NCK2: variants seen among roughly 807,000 people sequenced by gnomAD.
NCK2 encodes the protein NCK adaptor protein 2, also known as cytoplasmic protein NCK2.
Under a neutral mutation model 33.9 loss-of-function variants are expected in NCK2, and 16 were observed. The ratio of observed to expected loss-of-function variants is 0.47; its 90% confidence interval spans 0.32 to 0.72. The LOEUF is 0.72. NCK2 is among the 30% of genes least tolerant of loss of function. The probability of loss-of-function intolerance (pLI) is 0.03; values close to 1 mark genes in which losing one functional copy is unlikely to be tolerated. For synonymous variants in NCK2, 273 were observed against 239.9 expected (o/e 1.14, Z -1.27); for missense variants, 418 against 537.3 (o/e 0.78, Z 2.19).
At chr2:105,826,370 AAG>A (rs1675943538) in intron 2 of NCK2, among the ~76,000 whole-genome samples, 1 of 152,106 alleles carries the variant, frequency 6.6e-6, no homozygotes, top group Non-Finnish European at 1.5e-5. Flanking sequence ...AATTCAAGAT[AAG>A]ATTTGGGTGG....
intron 2 of NCK2, among the ~76,000 whole-genome samples, chr2:105,835,424 T>TATATATATACG (rs1553458625): frequency 1.6e-5 from 2 of 122,518 alleles, no homozygotes; most frequent in African/African-American, 2.8e-5. Context: ...TATATATATA[T>TATATATATACG]TTTTTTTTTG....
intron 3 of NCK2, among the ~76,000 whole-genome samples, chr2:105,868,319 G>A (rs1040283768): frequency 5.3e-5 from 8 of 152,246 alleles, no homozygotes; most frequent in Middle Eastern, 3.4e-3. Context: ...TTTTGGGCAC[G>A]CACTCAGGTT....
At chr2:105,762,986 G>A (rs1689814812) in intron 1 of NCK2, among the ~76,000 whole-genome samples, 1 of 152,170 alleles carries the variant, frequency 6.6e-6, no homozygotes, top group Non-Finnish European at 1.5e-5. Context: ...CCTGAGCTCA[G>A]GAGTTCGAAA....
intron 1 of NCK2, among the ~76,000 whole-genome samples, chr2:105,797,527 T>C (rs950510305): frequency 6.6e-6 from 1 of 152,158 alleles, no homozygotes; most frequent in African/African-American, 2.4e-5. Context: ...TCTGCACCCA[T>C]GTGAGGGAGG....
chr2:105,852,877 A>G (rs3754807), intron 2 of NCK2, among the ~76,000 whole-genome samples: 1 of 152,212 alleles, frequency 6.6e-6, no homozygotes, highest in African/African-American at 2.4e-5. Context: ...TAGGAGCTTC[A>G]TGTAAACTTT....
chr2:105,778,401 C>T (rs1573581153), intron 1 of NCK2, among the ~76,000 whole-genome samples: 1 of 152,230 alleles, frequency 6.6e-6, no homozygotes, highest in Non-Finnish European at 1.5e-5. Context: ...ACTCTGACCA[C>T]ATCTGCTGAC....
intron 1 of NCK2, among the ~76,000 whole-genome samples, chr2:105,750,072 C>CACACACACAA (rs1689408554): frequency 1.5e-5 from 1 of 64,948 alleles, no homozygotes; most frequent in Non-Finnish European, 3.8e-5. Context: ...ACACACAAAA[C>CACACACACAA]AACAACAACA....
Position 105,882,147 on chromosome 2 carries a change from TAG to T in NCK2, c.948+100_948+101del, listed in dbSNP as rs569777133. On this transcript the variant is annotated intron_variant, in intron 4 of 4. Coordinates refer to ENST00000233154, the MANE Select transcript of NCK2 (RefSeq NM_003581.5). The stretch of plus-strand genomic sequence containing the variant: ...CCCTTTTCACATTGTGTGAGTACAC[TAG>T]AAAGAGCGGGAGACGCAGATGAATG... 101 of 1,285,984 alleles carry T rather than the reference TAG, an allele frequency of 7.9e-5. No homozygotes were observed. In the Middle Eastern group the frequency reaches 2.8e-3, roughly 35 times the overall value. 79.7% of individuals were successfully genotyped at this position (1,285,984 alleles called of 1,614,324 possible).
chr2:105,803,982 T>G (rs1674940060), intron 1 of NCK2, among the ~76,000 whole-genome samples: 1 of 152,212 alleles, frequency 6.6e-6, no homozygotes, highest in South Asian at 2.1e-4. Flanking sequence ...AGTCATGGAT[T>G]GCAAGACAGA....
intron 4 of NCK2, among the ~76,000 whole-genome samples, chr2:105,887,462 A>G (rs933107971): frequency 2.6e-5 from 4 of 152,206 alleles, no homozygotes; most frequent in Non-Finnish European, 5.9e-5. Flanking sequence ...GTGGCTGGAG[A>G]TCAGTCCAGG....
At chr2:105,817,708 G>A (rs991902975) in intron 2 of NCK2, among the ~76,000 whole-genome samples, 1 of 152,130 alleles carries the variant, frequency 6.6e-6, no homozygotes, top group Non-Finnish European at 1.5e-5. Flanking sequence ...TCAGAGAAAT[G>A]CAAATCAAAA....
chr2:105,761,730 AT>A (rs1689769266), intron 1 of NCK2, among the ~76,000 whole-genome samples: 1 of 152,128 alleles, frequency 6.6e-6, no homozygotes, highest in Admixed American at 6.5e-5. Context: ...ATACAAAAAA[AT>A]GAGCTGGGTA....
intron 1 of NCK2, among the ~76,000 whole-genome samples, chr2:105,789,313 G>C (rs1474499659): frequency 6.6e-6 from 1 of 151,978 alleles, no homozygotes; most frequent in East Asian, 1.9e-4. Flanking sequence ...TCAGCCTCCT[G>C]AGTAGCTGGG....
intron 1 of NCK2, among the ~76,000 whole-genome samples, chr2:105,782,738 G>A (rs1329724603): frequency 3.3e-5 from 5 of 152,314 alleles, no homozygotes; most frequent in African/African-American, 1.2e-4. Context: ...GCTGCCTGTA[G>A]AGGCGAAGTG....
chr2:105,768,309 GTC>G, intron 1 of NCK2, among the ~76,000 whole-genome samples: 1 of 152,318 alleles, frequency 6.6e-6, no homozygotes, highest in East Asian at 1.9e-4. Flanking sequence ...TATCAAACAG[GTC>G]TCTGATTCTC....
intron 2 of NCK2, among the ~76,000 whole-genome samples, chr2:105,832,858 T>A (rs1676249498): frequency 1.4e-5 from 2 of 148,114 alleles, no homozygotes; most frequent in African/African-American, 2.5e-5. Context: ...TTTTTTTTTT[T>A]ATTTTGTTTC....
At chr2:105,862,079 C>G (rs1353044112) in intron 3 of NCK2, among the ~76,000 whole-genome samples, 1 of 152,116 alleles carries the variant, frequency 6.6e-6, no homozygotes, top group Admixed American at 6.5e-5. Context: ...TTAGGGTTAG[C>G]CTGCATAAAT....
intron 1 of NCK2, among the ~76,000 whole-genome samples, chr2:105,787,510 C>T (rs1393959953): frequency 6.6e-6 from 1 of 152,158 alleles, no homozygotes; most frequent in Non-Finnish European, 1.5e-5. Flanking sequence ...CAGAAAGTGG[C>T]CCCCATCAGA....
intron 3 of NCK2, among the ~76,000 whole-genome samples, chr2:105,861,643 TAG>T (rs1254136083): frequency 6.6e-6 from 1 of 151,856 alleles, no homozygotes; most frequent in Non-Finnish European, 1.5e-5. Context: ...GCCTCCCTAG[TAG>T]CTGGGACTAC....
Sources: allele counts gnomAD v4.1 joint callset (sites outside exome capture counted in the v4.1 genomes callset), GRCh38; gene constraint gnomAD v4.1.1; transcripts MANE v1.5; gene names NCBI Gene and HGNC (gene_info 2026-07-23, HGNC 2026-07-21).